SLC41A2: variants seen among roughly 807,000 people sequenced by gnomAD.
The protein encoded by SLC41A2 is solute carrier family 41 member 2.
In SLC41A2, 32 loss-of-function variants were observed where a neutral mutation model predicts 58.3. The ratio of observed to expected loss-of-function variants is 0.55; its 90% CI spans 0.41 to 0.74. The LOEUF is 0.74. Ranked by LOEUF, SLC41A2 falls within the 30% of genes least tolerant of loss-of-function variation. The pLI is 0.00. For synonymous variants in SLC41A2, 190 were observed against 235.0 expected (o/e 0.81, Z 1.75); for missense variants, 514 against 680.6 (o/e 0.76, Z 2.72).
intron 4 of SLC41A2, among the ~76,000 whole-genome samples, chr12:104,892,154 G>T (rs1026798468): frequency 4.0e-5 from 6 of 151,804 alleles, no homozygotes; most frequent in African/African-American, 1.5e-4. Flanking sequence ...GCAAAAATTA[G>T]CTGGGCATGG....
chr12:104,952,200 G>A (rs971359975), intron 1 of SLC41A2, among the ~76,000 whole-genome samples: 1 of 152,108 alleles, frequency 6.6e-6, no homozygotes, highest in Non-Finnish European at 1.5e-5. Flanking sequence ...ACTGCATAAT[G>A]TTCCTAATAT....
intron 1 of SLC41A2, among the ~76,000 whole-genome samples, chr12:104,937,788 G>A (rs1248199700): frequency 1.3e-5 from 2 of 152,150 alleles, no homozygotes; most frequent in Non-Finnish European, 2.9e-5. Context: ...ATCAAAGTCT[G>A]TACTTTAAAT....
chr12:104,811,926 C>T (rs1345573618), intron 10 of SLC41A2, among the ~76,000 whole-genome samples: 1 of 151,574 alleles, frequency 6.6e-6, no homozygotes, highest in Non-Finnish European at 1.5e-5. Flanking sequence ...TCCACATTCA[C>T]CATTTCTGCA....
At chr12:104,847,113 G>A (rs1167596339) in intron 8 of SLC41A2, among the ~76,000 whole-genome samples, 1 of 151,788 alleles carries the variant, frequency 6.6e-6, no homozygotes, top group Non-Finnish European at 1.5e-5. Context: ...ATAAGTTAAA[G>A]GATCTAGTGG....
chr12:104,943,962 C>T (rs974038254), intron 1 of SLC41A2, among the ~76,000 whole-genome samples: 1 of 152,038 alleles, frequency 6.6e-6, no homozygotes, highest in Non-Finnish European at 1.5e-5. Context: ...CCCAGGCATT[C>T]GAGGCAGCAA....
chr12:104,853,911 A>ATTTTTTTT (rs1555202443), intron 8 of SLC41A2, among the ~76,000 whole-genome samples: 2 of 59,494 alleles, frequency 3.4e-5, no homozygotes, highest in African/African-American at 1.4e-4. Context: ...TGCCTGGCTG[A>ATTTTTTTT]TTTTTTTTTT....
At chr12:104,851,266 A>G (rs2042787838) in intron 8 of SLC41A2, among the ~76,000 whole-genome samples, 3 of 152,190 alleles carry the variant, frequency 2.0e-5, no homozygotes, top group Admixed American at 1.3e-4. Flanking sequence ...TGGAGAATTC[A>G]TTGGTCAGAG....
At chr12:104,861,103 A>T (rs1397468507) in intron 8 of SLC41A2, among the ~76,000 whole-genome samples, 188 bp downstream of exon 8, 2 of 152,226 alleles carry the variant, frequency 1.3e-5, no homozygotes, top group Non-Finnish European at 2.9e-5. Context: ...CTTTTCAGAA[A>T]TGTATTCTGC....
intron 2 of SLC41A2, among the ~76,000 whole-genome samples, chr12:104,919,550 G>A (rs988300631): frequency 6.6e-6 from 1 of 152,210 alleles, no homozygotes; most frequent in African/African-American, 2.4e-5. Context: ...TGATAGGTGT[G>A]TAGTGATAGT....
At chr12:104,898,838 T>C (rs140379578) in intron 3 of SLC41A2, among the ~76,000 whole-genome samples, 45 of 152,248 alleles carry the variant, frequency 3.0e-4, no homozygotes, top group African/African-American at 1.1e-3. Flanking sequence ...AACAGACACC[T>C]CACCAAAGAA....
In SLC41A2 at chr12:104,844,636, T is replaced by G; in HGVS notation, c.1388-16A>C. 1 of 1,386,984 alleles carries G rather than the reference T, an allele frequency of 7.2e-7. No homozygotes were observed. The allele number at this position is 1,386,984 out of a possible 1,614,324, so 85.9% of individuals were successfully genotyped here. On this transcript the variant is annotated splice_polypyrimidine_tract_variant and intron_variant, in intron 9 of 10. Coordinates refer to ENST00000258538, the MANE Select transcript of SLC41A2 (RefSeq NM_001352171.3). ...TTATTTACTCCTGTAATATAAAATG[T>G]AAAAGTAATTAAAACAAAATTATAT...
chr12:104,807,589 C>G (rs998288671), intron 10 of SLC41A2, among the ~76,000 whole-genome samples: 4 of 152,000 alleles, frequency 2.6e-5, no homozygotes, highest in Non-Finnish European at 5.9e-5. Flanking sequence ...TAGTTTTTTC[C>G]AATTCTGTGA....
chr12:104,826,224 C>T (rs1235536290), intron 10 of SLC41A2, among the ~76,000 whole-genome samples: 2 of 152,142 alleles, frequency 1.3e-5, no homozygotes, highest in Non-Finnish European at 1.5e-5. Context: ...GGAAAAGCAC[C>T]TCATAGCTCT....
chr12:104,813,741 TTCTCCTGCCTCAG>T (rs2136212442), intron 10 of SLC41A2, among the ~76,000 whole-genome samples: 1 of 152,328 alleles, frequency 6.6e-6, no homozygotes, highest in South Asian at 2.1e-4. Flanking sequence ...GTTCAAGTGA[TTCTCCTGCCTCAG>T]CCTCCTGAGT....
rs1258548350 is a variant in SLC41A2 at position 104,830,416 on chromosome 12, A to G, written c.1536+14056T>C. ...ATAATGCCAACACATCACTTCACTC[A>G]TGAGGATTCAATGTAGTGTGAAGCA... On this transcript the variant is annotated intron_variant, in intron 10 of 10. Coordinates refer to ENST00000258538, the MANE Select transcript of SLC41A2 (RefSeq NM_001352171.3). 1.3e-5 allele frequency among the ~76,000 whole-genome samples: 2 copies of G among 152,206 alleles called. 1 individual carries two copies. Among genetic ancestry groups the G allele is most frequent in the African/African-American group, 4.8e-5 (2 of 41,462 alleles).
At chr12:104,909,839 C>T in intron 2 of SLC41A2, 77 bp from the exon 3 acceptor site, 2 of 1,030,294 alleles carry the variant, frequency 1.9e-6, no homozygotes, top group Non-Finnish European at 2.8e-6. Flanking sequence ...TTCTAAAAAT[C>T]TCAGCCTTTT....
chr12:104,952,112 T>C (rs1329470108), intron 1 of SLC41A2, among the ~76,000 whole-genome samples: 1 of 152,114 alleles, frequency 6.6e-6, no homozygotes, highest in Non-Finnish European at 1.5e-5. Flanking sequence ...TGATTTCAAC[T>C]GAGAAAAAAA....
intron 3 of SLC41A2, among the ~76,000 whole-genome samples, chr12:104,897,674 C>A (rs995780743): frequency 2.6e-5 from 4 of 152,024 alleles, no homozygotes; most frequent in Admixed American, 6.5e-5. Context: ...TAAACAATAA[C>A]TTTTTTTATA....
At chr12:104,953,034 G>T (rs1347666944) in intron 1 of SLC41A2, among the ~76,000 whole-genome samples, 1 of 152,090 alleles carries the variant, frequency 6.6e-6, no homozygotes, top group East Asian at 1.9e-4. Context: ...GTTTTTCTAG[G>T]TTGTAACTCT....
Sources: allele counts gnomAD v4.1 joint callset (sites outside exome capture counted in the v4.1 genomes callset), GRCh38; gene constraint gnomAD v4.1.1; transcripts MANE v1.5; gene names NCBI Gene and HGNC (gene_info 2026-07-23, HGNC 2026-07-21).